RNGTT: variants seen among roughly 807,000 people sequenced by gnomAD.
RNGTT encodes mRNA-capping enzyme.
In RNGTT, 33 loss-of-function variants were observed where a neutral mutation model predicts 79.3. That is an observed-to-expected ratio of 0.42 (90% confidence interval 0.32 to 0.56). The LOEUF (loss-of-function observed/expected upper bound fraction) is 0.56. RNGTT is among the 20% of genes least tolerant of loss of function. RNGTT has a pLI of 0.17. For missense variants in RNGTT, 497 were observed against 739.1 expected, an observed-to-expected ratio of 0.67 and a Z score of 3.80; for synonymous variants, 222 against 235.9, an observed-to-expected ratio of 0.94 and a Z score of 0.54.
intron 2 of RNGTT, among the ~76,000 whole-genome samples, chr6:88,934,234 G>A (rs769023149): frequency 2.6e-4 from 39 of 152,074 alleles, no homozygotes; most frequent in Non-Finnish European, 5.7e-4. Flanking sequence ...GTCTCGTTAT[G>A]TTATCAAGGC....
chr6:88,878,057 C>T (rs1309486307), intron 8 of RNGTT, among the ~76,000 whole-genome samples: 1 of 151,896 alleles, frequency 6.6e-6, no homozygotes, highest in Non-Finnish European at 1.5e-5. Flanking sequence ...GAAAAACTAC[C>T]TTAAACCTAA....
chr6:88,686,648 G>A (rs1345637201), intron 13 of RNGTT, among the ~76,000 whole-genome samples: 1 of 152,072 alleles, frequency 6.6e-6, no homozygotes, highest in African/African-American at 2.4e-5. Flanking sequence ...TATAACAAAG[G>A]TGGCACTGCA....
At chr6:88,780,949 A>G (rs1779043317) in intron 12 of RNGTT, among the ~76,000 whole-genome samples, 1 of 152,114 alleles carries the variant, frequency 6.6e-6, no homozygotes, top group South Asian at 2.1e-4. Context: ...ATGCGTGGAG[A>G]CATTTTTGGT....
At chr6:88,843,720 G>A (rs976846431) in intron 11 of RNGTT, among the ~76,000 whole-genome samples, 11 of 151,016 alleles carry the variant, frequency 7.3e-5, no homozygotes, top group Admixed American at 4.6e-4. Flanking sequence ...CGCCACACCC[G>A]GCTAATTTTT....
intron 6 of RNGTT, among the ~76,000 whole-genome samples, chr6:88,899,171 C>A (rs1439051774): frequency 6.6e-6 from 1 of 151,274 alleles, no homozygotes; most frequent in Non-Finnish European, 1.5e-5. Context: ...CTAATTCGGC[C>A]TTTGGAGGTA....
intron 12 of RNGTT, among the ~76,000 whole-genome samples, chr6:88,771,904 A>G (rs1333443087): frequency 6.6e-6 from 1 of 152,174 alleles, no homozygotes; most frequent in East Asian, 1.9e-4. Context: ...AGGGTTAGGC[A>G]CGGTGGCTCA....
chr6:88,861,363 A>G (rs1782009854), intron 8 of RNGTT, among the ~76,000 whole-genome samples: 2 of 152,240 alleles, frequency 1.3e-5, no homozygotes, highest in South Asian at 4.2e-4. Context: ...AAAAAACAAT[A>G]CAAGAACAGC....
intron 6 of RNGTT, among the ~76,000 whole-genome samples, chr6:88,898,598 TA>T (rs1403257448): frequency 6.6e-6 from 1 of 151,364 alleles, no homozygotes; most frequent in Admixed American, 6.6e-5. Context: ...TTTCTTAGTA[TA>T]TCTAGTATTA....
chr6:88,619,170 CT>C (rs1006255202), intron 14 of RNGTT, among the ~76,000 whole-genome samples: 10 of 147,006 alleles, frequency 6.8e-5, no homozygotes, highest in Non-Finnish European at 6.0e-5. Context: ...ACAGATTTTT[CT>C]TTTTTTTTTT....
chr6:88,647,645 G>C (rs1163455878), intron 14 of RNGTT, among the ~76,000 whole-genome samples: 1 of 147,130 alleles, frequency 6.8e-6, no homozygotes, highest in Non-Finnish European at 1.5e-5. Context: ...CTGAAAGTTT[G>C]AGGCTGCAGT....
chr6:88,655,106 T>C (rs976559545), intron 14 of RNGTT, among the ~76,000 whole-genome samples: 2 of 152,198 alleles, frequency 1.3e-5, no homozygotes, highest in Non-Finnish European at 2.9e-5. Flanking sequence ...ATAAGCCAGA[T>C]ATTTTCTAAA....
At chr6:88,917,310 C>T (rs1184194027) in intron 4 of RNGTT, among the ~76,000 whole-genome samples, 1 of 151,966 alleles carries the variant, frequency 6.6e-6, no homozygotes, top group African/African-American at 2.4e-5. Context: ...AGTCATTGAA[C>T]AACTCTCAAT....
At chr6:88,853,517 A>AG in intron 9 of RNGTT, 112 bp downstream of exon 9, 1 of 880,870 alleles carries the variant, frequency 1.1e-6, no homozygotes, top group East Asian at 2.8e-5. Flanking sequence ...AAAAAAAAAA[A>AG]AAAAAGTTAG....
At chr6:88,665,542 TG>T (rs1474343162) in intron 14 of RNGTT, among the ~76,000 whole-genome samples, 1 of 152,180 alleles carries the variant, frequency 6.6e-6, no homozygotes, top group Non-Finnish European at 1.5e-5. Flanking sequence ...TACACATTGT[TG>T]GGGTTATTGC....
intron 13 of RNGTT, among the ~76,000 whole-genome samples, chr6:88,755,471 C>CA (rs1236539114): frequency 1.1e-4 from 16 of 150,016 alleles, no homozygotes; most frequent in South Asian, 2.1e-4. Context: ...ACAACAACGA[C>CA]AAAAAAAAAC....
At chr6:88,695,873 T>C (rs1164840604) in intron 13 of RNGTT, among the ~76,000 whole-genome samples, 1 of 152,228 alleles carries the variant, frequency 6.6e-6, no homozygotes, top group Non-Finnish European at 1.5e-5. Context: ...TTGAGGATGT[T>C]ATGCTAAGTG....
chr6:88,756,328 C>T (rs1479397016), intron 13 of RNGTT, among the ~76,000 whole-genome samples: 1 of 151,934 alleles, frequency 6.6e-6, no homozygotes, highest in African/African-American at 2.4e-5. Context: ...CAAAAATCAG[C>T]CAGGCGTGAC....
At chr6:88,769,164 A>C (rs1327075526) in intron 13 of RNGTT, among the ~76,000 whole-genome samples, 1 of 151,052 alleles carries the variant, frequency 6.6e-6, no homozygotes. Flanking sequence ...CTTTGGGGGG[A>C]GGTGTGCGGC....
intron 14 of RNGTT, among the ~76,000 whole-genome samples, chr6:88,633,758 G>C (rs1224647919): frequency 1.3e-5 from 2 of 152,072 alleles, no homozygotes; most frequent in Non-Finnish European, 2.9e-5. Flanking sequence ...CAAATCATAA[G>C]GGTAATTAGT....
Sources: allele counts gnomAD v4.1 joint callset (sites outside exome capture counted in the v4.1 genomes callset), GRCh38; gene constraint gnomAD v4.1.1; transcripts MANE v1.5; gene names NCBI Gene and HGNC (gene_info 2026-07-23, HGNC 2026-07-21).